Variants in CACHD1 observed in about 807,000 individuals in gnomAD.
CACHD1 encodes the protein VWFA and cache domain-containing protein 1.
CACHD1 carries 71 observed loss-of-function variants against 138.7 expected under a neutral mutation model. The observed-to-expected ratio is 0.51, with a 90% CI of 0.42 to 0.62. The LOEUF (loss-of-function observed/expected upper bound fraction) is 0.62. Ranked by LOEUF, CACHD1 falls within the 20% of genes least tolerant of loss-of-function variation. CACHD1 has a pLI of 0.00. For synonymous variants in CACHD1, 578 were observed against 591.5 expected (o/e 0.98, Z 0.33); for missense variants, 1,389 against 1,625.3 (o/e 0.85, Z 2.50).
chr1:64,686,512 C>T (rs566056079), intron 26 of CACHD1, among the ~76,000 whole-genome samples: 11 of 152,228 alleles, frequency 7.2e-5, no homozygotes, highest in African/African-American at 2.4e-4. Flanking sequence ...AGTCTAAGAC[C>T]ACTTAGAATG....
chr1:64,678,314 T>G lies in CACHD1; in HGVS notation c.3244+4T>G, dbSNP rs760808923. 1 of 1,551,328 alleles carries G rather than the reference T, an allele frequency of 6.4e-7. No homozygotes were observed. Among genetic ancestry groups the G allele is most frequent in the Non-Finnish European group, 8.7e-7 (1 of 1,152,872 alleles). On this transcript the variant is annotated splice_donor_region_variant and intron_variant, in intron 23 of 26. Transcript: ENST00000651257. The stretch of plus-strand genomic sequence containing the variant: ...GTTGATGACATGGGAGCAATAGGTA[T>G]GTTTGTTAGATGCCCCAACAATTTG...
At chr1:64,508,277 A>G (rs1261057112) in intron 1 of CACHD1, among the ~76,000 whole-genome samples, 4 of 152,188 alleles carry the variant, frequency 2.6e-5, no homozygotes, top group African/African-American at 9.6e-5. Flanking sequence ...AGATTTGGGC[A>G]GGGACACAAA....
chr1:64,632,001 G>A (rs1270179984), intron 5 of CACHD1, among the ~76,000 whole-genome samples: 1 of 152,018 alleles, frequency 6.6e-6, no homozygotes, highest in Admixed American at 6.6e-5. Context: ...ACGGGTTATA[G>A]GCTGCCTCAC....
At chr1:64,533,217 G>A (rs911628515) in intron 1 of CACHD1, among the ~76,000 whole-genome samples, 2 of 152,186 alleles carry the variant, frequency 1.3e-5, no homozygotes, top group South Asian at 2.1e-4. Context: ...TTAGCCGGGC[G>A]TGGTGGTGCA....
intron 2 of CACHD1, among the ~76,000 whole-genome samples, chr1:64,576,113 G>T (rs1296768214): frequency 6.6e-6 from 1 of 152,322 alleles, no homozygotes; most frequent in East Asian, 1.9e-4. Context: ...TGACAAGATG[G>T]TTTTAGTCCT....
intron 26 of CACHD1, among the ~76,000 whole-genome samples, chr1:64,687,965 A>G (rs967009742): frequency 2.6e-5 from 4 of 152,042 alleles, no homozygotes; most frequent in African/African-American, 9.7e-5. Context: ...CACAGAATGC[A>G]TGTAAAATCA....
intron 4 of CACHD1, among the ~76,000 whole-genome samples, chr1:64,618,162 C>T (rs1340072324): frequency 1.3e-5 from 2 of 151,672 alleles, no homozygotes; most frequent in East Asian, 3.9e-4. Flanking sequence ...AAAAAAATAG[C>T]AATAACAGTG....
chr1:64,607,076 T>C (rs751169157), intron 4 of CACHD1, among the ~76,000 whole-genome samples: 1 of 152,196 alleles, frequency 6.6e-6, no homozygotes, highest in Non-Finnish European at 1.5e-5. Context: ...AGATTCATTG[T>C]GTATAGGTAG....
chr1:64,631,354 T>G (rs1343449403), intron 5 of CACHD1, among the ~76,000 whole-genome samples: 1 of 152,228 alleles, frequency 6.6e-6, no homozygotes, highest in Non-Finnish European at 1.5e-5. Context: ...TAGCCACCTC[T>G]CCTGGATTCT....
chr1:64,603,329 C>T (rs1647252289), intron 4 of CACHD1, among the ~76,000 whole-genome samples: 1 of 151,970 alleles, frequency 6.6e-6, no homozygotes, highest in Non-Finnish European at 1.5e-5. Flanking sequence ...TGGTCTCAAT[C>T]TCCTGACCTC....
intron 1 of CACHD1, among the ~76,000 whole-genome samples, chr1:64,478,381 A>G (rs1646188997): frequency 6.6e-6 from 1 of 152,210 alleles, no homozygotes; most frequent in African/African-American, 2.4e-5. Context: ...CTACTGCAAT[A>G]TGAACTGCAT....
At chr1:64,608,857 T>C (rs1289568883) in intron 4 of CACHD1, among the ~76,000 whole-genome samples, 1 of 152,230 alleles carries the variant, frequency 6.6e-6, no homozygotes, top group Non-Finnish European at 1.5e-5. Context: ...AGAAGTTGCC[T>C]CTTGCTCTCT....
chr1:64,629,990 C>G (rs1404962247), intron 5 of CACHD1, among the ~76,000 whole-genome samples: 1 of 152,160 alleles, frequency 6.6e-6, no homozygotes, highest in African/African-American at 2.4e-5. Flanking sequence ...CTGCTTTTCT[C>G]TCACAGACAT....
intron 21 of CACHD1, among the ~76,000 whole-genome samples, chr1:64,676,366 C>T (rs1170546492): frequency 1.3e-5 from 2 of 152,076 alleles, no homozygotes; most frequent in African/African-American, 4.8e-5. Flanking sequence ...ATGATGTGTT[C>T]TACAGCATTA....
chr1:64,675,399 A>G lies in CACHD1; in HGVS notation c.2728-2A>G, dbSNP rs767853188. Reference sequence around the variant, plus strand: ...ATTTCTGATACCTTGATTGTTCTGTAGGGGGATTTGACGAACCTTGTGCAT... The same window carrying G: ...ATTTCTGATACCTTGATTGTTCTGTGGGGGGATTTGACGAACCTTGTGCAT... On this transcript the variant is annotated splice_acceptor_variant, in intron 19 of 26. Coordinates refer to ENST00000651257, the MANE Select transcript of CACHD1 (RefSeq NM_020925.4). LOFTEE classifies it high-confidence loss of function. The G allele has an allele frequency of 6.3e-7, 1 of 1,587,960 alleles. No individual in the cohort carries two copies. The highest frequency in any genetic ancestry group is 1.7e-5 in the Admixed American group (1 of 59,754).
At chr1:64,472,110 T>A (rs1646148861) in intron 1 of CACHD1, among the ~76,000 whole-genome samples, 1 of 152,210 alleles carries the variant, frequency 6.6e-6, no homozygotes, top group Non-Finnish European at 1.5e-5. Flanking sequence ...TCCATCCTAC[T>A]GTGACCACTC....
At chr1:64,625,234 G>A (rs1057095352) in intron 4 of CACHD1, among the ~76,000 whole-genome samples, 3 of 152,116 alleles carry the variant, frequency 2.0e-5, no homozygotes, top group Admixed American at 2.0e-4. Flanking sequence ...CTTATAAGTG[G>A]GAGCTAAATA....
At chr1:64,602,079 A>G (rs935378838) in intron 3 of CACHD1, among the ~76,000 whole-genome samples, 1 of 152,214 alleles carries the variant, frequency 6.6e-6, no homozygotes, top group Non-Finnish European at 1.5e-5. Context: ...ATTTATTGAT[A>G]AGCTACTAGC....
intron 1 of CACHD1, among the ~76,000 whole-genome samples, chr1:64,498,149 G>T (rs1646315908): frequency 6.6e-6 from 1 of 151,990 alleles, no homozygotes; most frequent in Admixed American, 6.6e-5. Flanking sequence ...AAAGAGTGTG[G>T]CATATCCTCA....
Sources: allele counts gnomAD v4.1 joint callset (sites outside exome capture counted in the v4.1 genomes callset), GRCh38; gene constraint gnomAD v4.1.1; transcripts MANE v1.5; gene names NCBI Gene and HGNC (gene_info 2026-07-23, HGNC 2026-07-21).